The following MS4A6E variants were observed in gnomAD, a reference collection of about 807,000 sequenced individuals.
MS4A6E encodes membrane-spanning 4-domains subfamily A member 6E.
A neutral mutation model predicts 13.2 loss-of-function variants in MS4A6E; 8 were observed. The ratio of observed to expected loss-of-function variants is 0.60; its 90% confidence interval spans 0.35 to 1.09. The LOEUF is 1.09. Among genes scored for constraint, MS4A6E ranks in the 50% least tolerant of loss-of-function variants. MS4A6E has a pLI of 0.02. For missense variants in MS4A6E, 177 were observed against 171.1 expected (o/e 1.03, Z -0.19); for synonymous variants, 72 against 67.6 (o/e 1.06, Z -0.32).
chr11:60,339,062 A>G (rs2085207102), intron 3 of MS4A6E, among the ~76,000 whole-genome samples: 1 of 152,198 alleles, frequency 6.6e-6, no homozygotes, highest in Admixed American at 6.5e-5. Flanking sequence ...TAGGTAATGG[A>G]CACAACATGT....
downstream of MS4A6E, among the ~76,000 whole-genome samples, chr11:60,343,614 C>T (rs2085242430): frequency 6.6e-6 from 1 of 152,176 alleles, no homozygotes; most frequent in South Asian, 2.1e-4. Context: ...ATTAAAATCT[C>T]CCTGCAAATA....
At chr11:60,328,529 A>G (rs1393324085) in intron 1 of MS4A6E, among the ~76,000 whole-genome samples, 1 of 54,162 alleles carries the variant, frequency 1.8e-5, no homozygotes, top group East Asian at 5.9e-4. Flanking sequence ...TGTGAGATAC[A>G]CACACACACA....
chr11:60,339,811 C>T, intron 3 of MS4A6E, 55 bp from the exon 4 acceptor site: 1 of 1,480,272 alleles, frequency 6.8e-7, no homozygotes, highest in Non-Finnish European at 9.4e-7. Flanking sequence ...CTAAACTAGG[C>T]ATGAAAGCTT....
At chr11:60,347,292 C>T (rs1590779398) in intron 4 of MS4A6E, among the ~76,000 whole-genome samples, 1 of 152,124 alleles carries the variant, frequency 6.6e-6, no homozygotes, top group Non-Finnish European at 1.5e-5. Context: ...GCAATGCTTG[C>T]AAGTCTGGGT....
chr11:60,330,661 G>T (rs549200638), intron 1 of MS4A6E, among the ~76,000 whole-genome samples: 1 of 152,132 alleles, frequency 6.6e-6, no homozygotes, highest in African/African-American at 2.4e-5. Flanking sequence ...TGTTGCAATT[G>T]CTTTTGGTTT....
downstream of MS4A6E, among the ~76,000 whole-genome samples, chr11:60,342,183 GAGAGAGAGAGAGAGA>G (rs2085230843): frequency 6.0e-5 from 1 of 16,790 alleles, no homozygotes; most frequent in African/African-American, 1.6e-4. Context: ...GTGTGTGAGA[GAGAGAGAGAGAGAGA>G]GAGGGGGGGG....
At chr11:60,340,065 G>A in intron 4 of MS4A6E, 101 bp downstream of exon 4, 3 of 1,547,588 alleles carry the variant, frequency 1.9e-6, no homozygotes, top group South Asian at 1.1e-5. Flanking sequence ...CAATCAGTCA[G>A]TCATGAGATA....
chr11:60,333,864 T>C (rs1474704519), intron 1 of MS4A6E, among the ~76,000 whole-genome samples: 1 of 152,208 alleles, frequency 6.6e-6, no homozygotes, highest in Non-Finnish European at 1.5e-5. Context: ...AACATAAATA[T>C]CTGTTTCTGA....
At chr11:60,343,291 C>G (rs953711232), downstream of MS4A6E, among the ~76,000 whole-genome samples, 13 of 152,144 alleles carry the variant, frequency 8.5e-5, no homozygotes, top group South Asian at 2.1e-4. Context: ...ACTAGTTTGC[C>G]TCCACCAGGT....
In MS4A6E at chr11:60,334,280, T is replaced by A. The variant is rs181703760; in HGVS notation, c.-14-602T>A. On this transcript the variant is annotated intron_variant, in intron 1 of 4. Coordinates refer to ENST00000684409, the MANE Select transcript of MS4A6E (RefSeq NM_139249.4). ...CAAGAAACAAGCAAACCTCTTTAAC[T>A]GGGAAATTACACACACAAGCCCATA... 4.9e-4 allele frequency among the ~76,000 whole-genome samples: 74 copies of A among 152,128 alleles called. 1 individual carries two copies. The highest frequency in any genetic ancestry group is 1.7e-3 in the African/African-American group (72 of 41,494).
intron 1 of MS4A6E, among the ~76,000 whole-genome samples, chr11:60,330,452 C>T (rs1177243966): frequency 7.4e-6 from 1 of 135,378 alleles, no homozygotes; most frequent in Non-Finnish European, 1.6e-5. Flanking sequence ...CACCATTCTC[C>T]TGCCTCAGCC....
At chr11:60,330,335 CTTTTT>C (rs71036576) in intron 1 of MS4A6E, among the ~76,000 whole-genome samples, 10 of 61,182 alleles carry the variant, frequency 1.6e-4, no homozygotes, top group Non-Finnish European at 2.7e-4. Context: ...AATTTTGGCT[CTTTTT>C]TTTTTTTTTT....
At position 60,327,946 on chromosome 11, in the gene MS4A6E, C is replaced by T. The variant is rs138508553; in HGVS notation, c.-15+538C>T. Among the ~76,000 whole-genome samples, 1,210 of 143,308 alleles carry T rather than the reference C, an allele frequency of 8.4e-3. 8 individuals carry two copies. The highest frequency in any genetic ancestry group is 0.014 in the Non-Finnish European group (916 of 66,780). The allele number at this position is 143,308 out of a possible 152,430, so 94.0% of individuals were successfully genotyped here. ...TCGGGAGGCTGAGGCTGTAGAATTG[C>T]TTGAACCTGGGAGGCGGAAGTTGCC... On this transcript the variant is annotated intron_variant, in intron 1 of 4. Coordinates refer to ENST00000684409, the MANE Select transcript of MS4A6E (RefSeq NM_139249.4).
chr11:60,341,103 A>G lies in MS4A6E; in HGVS notation c.*337A>G, dbSNP rs1180474657. On this transcript the variant is annotated 3_prime_UTR_variant, in exon 5 of 5. Transcript: ENST00000684409. ...AGTCTTAGACATTTCCCAGAAAACT[A>G]GGCAGAATGATGATTCAATGGATCA... The G allele has an allele frequency of 1.3e-5, 2 of 152,212 alleles. No homozygotes were observed. The highest frequency in any genetic ancestry group is 2.9e-5 in the Non-Finnish European group (2 of 68,038). The allele number at this position is 152,212 out of a possible 1,614,324, so 9.4% of individuals were successfully genotyped here. A position where few individuals can be genotyped will look rare whatever the true frequency, so the allele number is the denominator to read the frequency against.
At chr11:60,342,816 G>C (rs1273287847), downstream of MS4A6E, among the ~76,000 whole-genome samples, 1 of 152,132 alleles carries the variant, frequency 6.6e-6, no homozygotes, top group Non-Finnish European at 1.5e-5. Flanking sequence ...GGATTTTTCA[G>C]GCTTCTTTTG....
chr11:60,340,390 T>G (rs1166932511), intron 4 of MS4A6E, among the ~76,000 whole-genome samples: 2 of 152,336 alleles, frequency 1.3e-5, no homozygotes, highest in African/African-American at 4.8e-5. Context: ...CCTTTACACA[T>G]GTGACTGGAT....
intron 1 of MS4A6E, among the ~76,000 whole-genome samples, chr11:60,333,091 C>T (rs7945665): frequency 0.24 from 36,032 of 152,240 alleles, 4,516 homozygotes; most frequent in Middle Eastern, 0.31. Flanking sequence ...TGTGAAATAG[C>T]TTATGCTGAA....
intron 1 of MS4A6E, among the ~76,000 whole-genome samples, chr11:60,329,857 G>A (rs1472459617): frequency 6.1e-5 from 8 of 130,604 alleles, no homozygotes; most frequent in South Asian, 4.7e-4. Flanking sequence ...ATAGAATATC[G>A]TTCAGTCACC....
Position 60,334,928 on chromosome 11 carries a change from C to G in MS4A6E, c.33C>G (p.Ile11Met), listed in dbSNP as rs1275481508. The change falls in exon 2 of 5, where the codon ATC becomes ATG. Residue 11 changes from isoleucine to methionine, a missense_variant. By Grantham distance (10) the Ile-to-Met change is conservative (BLOSUM62 1). Transcript: ENST00000684409. MTSQPISNET[I>M]IMLPSNVINF... ...CACAACCTATTTCCAATGAGACCAT[C>G]ATAATGCTCCCATCAAATGTCATCA... The G allele has an allele frequency of 1.2e-6, 2 of 1,613,970 alleles. No homozygotes were observed. The highest frequency in any genetic ancestry group is 1.1e-5 in the South Asian group (1 of 91,088).
Sources: allele counts gnomAD v4.1 joint callset (sites outside exome capture counted in the v4.1 genomes callset), GRCh38; gene constraint gnomAD v4.1.1; transcripts MANE v1.5; gene names NCBI Gene and HGNC (gene_info 2026-07-23, HGNC 2026-07-21).